DLG2: variants seen among roughly 807,000 people sequenced by gnomAD.
The protein encoded by DLG2 is discs large MAGUK scaffold protein 2.
In DLG2, 45 loss-of-function variants were observed where a neutral mutation model predicts 132.5. That is an observed-to-expected ratio of 0.34 (90% CI 0.27 to 0.44). The LOEUF is 0.44. Among genes scored for constraint, DLG2 ranks in the 20% least tolerant of loss-of-function variants. The pLI is 1.00. For synonymous variants in DLG2, 424 were observed against 419.6 expected, an observed-to-expected ratio of 1.01 and a Z score of -0.13; for missense variants, 1,045 against 1,196.9, an observed-to-expected ratio of 0.87 and a Z score of 1.87.
intron 2 of DLG2, among the ~76,000 whole-genome samples, chr11:85,621,993 G>A (rs762592089): frequency 5.9e-5 from 9 of 152,152 alleles, no homozygotes; most frequent in Non-Finnish European, 1.2e-4. Context: ...AAACTTCATT[G>A]TTGTCCTATT....
chr11:85,118,031 T>C (rs1392404194), intron 5 of DLG2, among the ~76,000 whole-genome samples: 2 of 152,122 alleles, frequency 1.3e-5, no homozygotes, highest in Non-Finnish European at 1.5e-5. Context: ...ATGCCAAACA[T>C]ACTCATGGTT....
chr11:83,763,509 A>G (rs2094004923), intron 18 of DLG2, among the ~76,000 whole-genome samples: 1 of 152,224 alleles, frequency 6.6e-6, no homozygotes. Flanking sequence ...TGAACTTATC[A>G]TAAATGCATA....
intron 6 of DLG2, among the ~76,000 whole-genome samples, chr11:85,077,220 G>GA (rs1370492428): frequency 2.0e-5 from 3 of 151,880 alleles, no homozygotes; most frequent in African/African-American, 7.3e-5. Context: ...AAAATGATAT[G>GA]AAAAAAGGTG....
At chr11:84,405,780 A>G (rs1008808593) in intron 7 of DLG2, among the ~76,000 whole-genome samples, 18 of 152,214 alleles carry the variant, frequency 1.2e-4, no homozygotes, top group Admixed American at 1.1e-3. Context: ...ACAAGTACGC[A>G]GGAAGGCCTC....
At chr11:83,900,917 G>C (rs1211700201) in intron 15 of DLG2, among the ~76,000 whole-genome samples, 2 of 152,154 alleles carry the variant, frequency 1.3e-5, no homozygotes, top group African/African-American at 2.4e-5. Context: ...AGCTGGGAAG[G>C]AGGCTGTACC....
At chr11:83,769,277 C>A (rs1231489487) in intron 18 of DLG2, among the ~76,000 whole-genome samples, 2 of 152,150 alleles carry the variant, frequency 1.3e-5, no homozygotes, top group Non-Finnish European at 2.9e-5. Context: ...TACCCATTTT[C>A]ATGATGCTTA....
intron 20 of DLG2, among the ~76,000 whole-genome samples, chr11:83,532,988 C>T (rs529535061): frequency 6.6e-6 from 1 of 152,212 alleles, no homozygotes; most frequent in South Asian, 2.1e-4. Context: ...TACTCCGATA[C>T]GTATACTGAG....
rs550354550 is a variant in DLG2, at chr11:84,066,619, C to T, written c.750-7135G>A. Among the ~76,000 whole-genome samples the T allele has an allele frequency of 4.6e-5, 7 of 152,028 alleles. No homozygotes were observed. The South Asian group carries it at 6.2e-4, about 14-fold the overall frequency. On this transcript the variant is annotated intron_variant, in intron 10 of 27. Coordinates refer to ENST00000376104, the MANE Select transcript of DLG2 (RefSeq NM_001142699.3). ...TGCTAAAAATACAAAAAATTAGCCA[C>T]GCATGGTGGCAGGCGCCTGTAATCC... is the stretch of plus-strand genomic sequence containing the variant.
chr11:84,799,015 T>C (rs1453908027), intron 6 of DLG2, among the ~76,000 whole-genome samples: 1 of 152,178 alleles, frequency 6.6e-6, no homozygotes, highest in Non-Finnish European at 1.5e-5. Flanking sequence ...TGCTAGAAGC[T>C]GCACTGCCTG....
At chr11:84,054,264 T>C (rs1227313564) in intron 11 of DLG2, among the ~76,000 whole-genome samples, 4 of 152,104 alleles carry the variant, frequency 2.6e-5, no homozygotes, top group African/African-American at 9.7e-5. Flanking sequence ...TATATATTAA[T>C]AGCTCCTTGG....
At chr11:84,663,314 C>A (rs2099696687) in intron 6 of DLG2, among the ~76,000 whole-genome samples, 1 of 151,422 alleles carries the variant, frequency 6.6e-6, no homozygotes, top group Non-Finnish European at 1.5e-5. Flanking sequence ...CTTGAGGGCA[C>A]TCACCACCAT....
intron 4 of DLG2, among the ~76,000 whole-genome samples, chr11:85,189,901 T>C (rs1320586118): frequency 6.6e-6 from 1 of 152,098 alleles, no homozygotes; most frequent in Non-Finnish European, 1.5e-5. Flanking sequence ...GCTCAAGAGA[T>C]CCTTGCACCT....
At chr11:84,377,117 C>T (rs1380844659) in intron 7 of DLG2, among the ~76,000 whole-genome samples, 1 of 152,074 alleles carries the variant, frequency 6.6e-6, no homozygotes, top group Non-Finnish European at 1.5e-5. Flanking sequence ...ATACAAATTA[C>T]ATGCACCATC....
chr11:84,085,068 T>C (rs979321564), intron 10 of DLG2, among the ~76,000 whole-genome samples: 2 of 152,236 alleles, frequency 1.3e-5, no homozygotes, highest in Non-Finnish European at 2.9e-5. Flanking sequence ...AGCTCTAACA[T>C]CTTTATGATT....
At chr11:84,512,829 C>A (rs1041365360) in intron 7 of DLG2, among the ~76,000 whole-genome samples, 7 of 152,094 alleles carry the variant, frequency 4.6e-5, no homozygotes, top group African/African-American at 1.7e-4. Flanking sequence ...GAGATCACGT[C>A]CTTTGCAGGG....
At chr11:84,877,116 A>T (rs1354023159) in intron 6 of DLG2, among the ~76,000 whole-genome samples, 1 of 152,058 alleles carries the variant, frequency 6.6e-6, no homozygotes, top group African/African-American at 2.4e-5. Flanking sequence ...TATGTGGTCA[A>T]TTTTAGAATA....
chr11:84,658,491 G>GAAA (rs2099690854), intron 6 of DLG2, among the ~76,000 whole-genome samples: 1 of 152,088 alleles, frequency 6.6e-6, no homozygotes. Flanking sequence ...GATATGGTTT[G>GAAA]AATGCTTGTC....
rs115142603 is a variant in DLG2, at chr11:85,117,101, C to G, written c.283-5366G>C. Among the ~76,000 whole-genome samples the G allele has an allele frequency of 3.3e-5, 5 of 152,064 alleles. No individual in the cohort carries two copies. The East Asian group carries it at 5.8e-4, about 18-fold the overall frequency. On this transcript the variant is annotated intron_variant, in intron 5 of 27. Coordinates refer to ENST00000376104, the MANE Select transcript of DLG2 (RefSeq NM_001142699.3). Reference sequence around the variant, plus strand: ...TGGGTTAGCCTGCACTCTCAGAGTTCGTCAAGGCAAAAGATTCATTCTGGA... The same window carrying G: ...TGGGTTAGCCTGCACTCTCAGAGTTGGTCAAGGCAAAAGATTCATTCTGGA...
rs987531023 is a variant in DLG2 at position 84,870,259 on chromosome 11, T to C, written c.357+241402A>G. 4.6e-5 allele frequency among the ~76,000 whole-genome samples: 7 copies of C among 152,272 alleles called. No homozygotes were observed. In the South Asian group the frequency reaches 1.2e-3, roughly 27 times the overall value. ...GTGTATCCAGCCCCGGGAAGAGCGATGTTTTAGCAGTAAGTGGAAAAAGAG... is the reference window on the plus strand; with the variant it reads ...GTGTATCCAGCCCCGGGAAGAGCGACGTTTTAGCAGTAAGTGGAAAAAGAG... On this transcript the variant is annotated intron_variant, in intron 6 of 27. Transcript: ENST00000376104.
Sources: gnomAD v4.1 joint callset for allele counts (sites outside exome capture counted in the v4.1 genomes callset) on GRCh38, gnomAD v4.1.1 for gene constraint, MANE v1.5 for transcripts, NCBI Gene and HGNC (gene_info 2026-07-23, HGNC 2026-07-21) for gene names.